Variants in MTUS2 observed in about 807,000 individuals in gnomAD.
The protein encoded by MTUS2 is microtubule associated scaffold protein 2.
In MTUS2, 40 loss-of-function variants were observed where a neutral mutation model predicts 114.1. The observed-to-expected ratio is 0.35, with a 90% CI of 0.27 to 0.46. The LOEUF (loss-of-function observed/expected upper bound fraction) is 0.46, where lower values mean the gene tolerates loss of function less well. Ranked by LOEUF, MTUS2 falls within the 20% of genes least tolerant of loss-of-function variation. MTUS2 has a pLI of 1.00. For synonymous variants in MTUS2, 688 were observed against 672.0 expected (o/e 1.02, Z -0.37); for missense variants, 1,679 against 1,705.4 (o/e 0.98, Z 0.27).
intron 5 of MTUS2, among the ~76,000 whole-genome samples, chr13:29,223,632 C>A (rs969976954): frequency 2.0e-5 from 3 of 152,232 alleles, no homozygotes; most frequent in Non-Finnish European, 4.4e-5. Context: ...GAGCCTCATT[C>A]TTCCTGGACA....
intron 5 of MTUS2, among the ~76,000 whole-genome samples, chr13:29,108,467 G>A (rs1388907807): frequency 1.8e-4 from 27 of 152,174 alleles, no homozygotes; most frequent in Admixed American, 1.8e-3. Flanking sequence ...TAGTTGAACT[G>A]CTTCAGTGTT....
intron 8 of MTUS2, among the ~76,000 whole-genome samples, chr13:29,398,497 A>G (rs1874083199): frequency 6.6e-6 from 1 of 151,652 alleles, no homozygotes; most frequent in Non-Finnish European, 1.5e-5. Context: ...AAAAGAAAAA[A>G]AAAAAGAGCG....
intron 2 of MTUS2, among the ~76,000 whole-genome samples, chr13:29,020,844 G>A (rs1305641353): frequency 9.3e-6 from 1 of 106,994 alleles, no homozygotes; most frequent in Non-Finnish European, 2.0e-5. Flanking sequence ...TTACCAGGAC[G>A]TGGGAAAAAA....
intron 8 of MTUS2, among the ~76,000 whole-genome samples, chr13:29,432,598 C>G (rs539055560): frequency 6.6e-6 from 1 of 152,144 alleles, no homozygotes; most frequent in South Asian, 2.1e-4. Flanking sequence ...ATCTGGTGGC[C>G]TCAAAAGCCT....
At chr13:29,229,126 T>G (rs1896225820) in intron 5 of MTUS2, among the ~76,000 whole-genome samples, 1 of 152,126 alleles carries the variant, frequency 6.6e-6, no homozygotes, top group African/African-American at 2.4e-5. Flanking sequence ...GATACCTTGA[T>G]TCTGGGGTTG....
intron 9 of MTUS2, among the ~76,000 whole-genome samples, chr13:29,461,060 T>C (rs1441422667): frequency 6.6e-6 from 1 of 152,194 alleles, no homozygotes; most frequent in African/African-American, 2.4e-5. Flanking sequence ...CAGAGATTAA[T>C]TTCTTACAGT....
At chr13:29,147,668 C>T (rs1472119963) in intron 5 of MTUS2, among the ~76,000 whole-genome samples, 1 of 152,140 alleles carries the variant, frequency 6.6e-6, no homozygotes, top group African/African-American at 2.4e-5. Context: ...TTAGCTCCCA[C>T]TTAAAGTGGG....
rs748045658 is a variant in MTUS2 at position 29,505,691 on chromosome 13, C to A, written c.*2485C>A. 4 of 229,960 alleles carry A rather than the reference C, an allele frequency of 1.7e-5. No individual in the cohort carries two copies. The highest frequency in any genetic ancestry group is 4.4e-5 in the African/African-American group (2 of 45,114). The allele number at this position is 229,960 out of a possible 1,614,324, so 14.2% of individuals were successfully genotyped here. A position where few individuals can be genotyped will look rare whatever the true frequency, so the allele number is the denominator to read the frequency against. On this transcript the variant is annotated 3_prime_UTR_variant, in exon 16 of 16. Transcript: ENST00000612955. Reference sequence around the variant, plus strand: ...CTGCAGCCTCTGCACCTGCCTCAGACAGACCCACCAGATACCACCTGTCTC... The same window carrying A: ...CTGCAGCCTCTGCACCTGCCTCAGAAAGACCCACCAGATACCACCTGTCTC...
chr13:29,147,972 T>C (rs922122768), intron 5 of MTUS2, among the ~76,000 whole-genome samples: 5 of 152,224 alleles, frequency 3.3e-5, no homozygotes, highest in Admixed American at 2.0e-4. Context: ...ATGGGATTGC[T>C]GGGTCAAATG....
At chr13:29,417,223 A>G (rs1875734714) in intron 8 of MTUS2, among the ~76,000 whole-genome samples, 1 of 152,120 alleles carries the variant, frequency 6.6e-6, no homozygotes, top group African/African-American at 2.4e-5. Flanking sequence ...AGTGAGGTGC[A>G]GGCTTATTAA....
At chr13:29,273,719 C>T (rs1000838129) in intron 5 of MTUS2, among the ~76,000 whole-genome samples, 9 of 152,144 alleles carry the variant, frequency 5.9e-5, no homozygotes, top group African/African-American at 2.2e-4. Context: ...TCCCTTCAGC[C>T]CCTGAAAGCC....
intron 2 of MTUS2, among the ~76,000 whole-genome samples, chr13:28,957,861 C>G (rs1230349377): frequency 6.6e-6 from 1 of 152,146 alleles, no homozygotes; most frequent in Non-Finnish European, 1.5e-5. Context: ...CAATATGATG[C>G]CAGGAATTGG....
At position 29,478,230 on chromosome 13, in the gene MTUS2, C is replaced by T. The variant is rs114028255; in HGVS notation, c.3185-1920C>T. Among the ~76,000 whole-genome samples, 669 of 152,304 alleles carry T rather than the reference C, an allele frequency of 4.4e-3. 6 individuals are homozygous for T. Among genetic ancestry groups the T allele is most frequent in the African/African-American group, 0.016 (650 of 41,566 alleles). On this transcript the variant is annotated intron_variant, in intron 9 of 15. Coordinates refer to ENST00000612955, the MANE Select transcript of MTUS2 (RefSeq NM_001033602.4). ...ATTCCTTTTCTAGAAAGGACGTCAT[C>T]GGAGTAACTCGTGAAACTGAAGTAG...
intron 7 of MTUS2, among the ~76,000 whole-genome samples, chr13:29,338,009 G>T (rs572884325): frequency 2.0e-5 from 3 of 149,594 alleles, no homozygotes; most frequent in African/African-American, 7.4e-5. Flanking sequence ...GGCCAGGATG[G>T]TCTCGATCTC....
chr13:28,968,045 A>G (rs1409218774), intron 2 of MTUS2, among the ~76,000 whole-genome samples: 1 of 152,206 alleles, frequency 6.6e-6, no homozygotes, highest in Non-Finnish European at 1.5e-5. Flanking sequence ...ATTCAGAGAT[A>G]TACCTGCTAA....
At chr13:29,029,355 A>G (rs984872296) in intron 3 of MTUS2, among the ~76,000 whole-genome samples, 3 of 152,212 alleles carry the variant, frequency 2.0e-5, no homozygotes, top group Admixed American at 6.5e-5. Context: ...AGGACACTTG[A>G]GTCTGGCTTT....
intron 5 of MTUS2, among the ~76,000 whole-genome samples, chr13:29,135,714 G>T (rs1462751554): frequency 6.6e-6 from 1 of 151,582 alleles, no homozygotes; most frequent in Admixed American, 6.6e-5. Context: ...GTAATTTTGA[G>T]ATTACCATTG....
At chr13:29,002,327 A>G (rs1252687683) in intron 2 of MTUS2, among the ~76,000 whole-genome samples, 1 of 152,204 alleles carries the variant, frequency 6.6e-6, no homozygotes, top group Non-Finnish European at 1.5e-5. Flanking sequence ...AAGGTAGGCT[A>G]AGTGGATTTC....
intron 8 of MTUS2, among the ~76,000 whole-genome samples, chr13:29,405,460 C>T (rs541816468): frequency 6.6e-5 from 10 of 152,240 alleles, no homozygotes; most frequent in South Asian, 2.1e-4. Flanking sequence ...TTTATTGTAA[C>T]GGAAATCCAA....
Sources: gnomAD v4.1 joint callset for allele counts (sites outside exome capture counted in the v4.1 genomes callset) on GRCh38, gnomAD v4.1.1 for gene constraint, MANE v1.5 for transcripts, NCBI Gene and HGNC (gene_info 2026-07-23, HGNC 2026-07-21) for gene names.